The following DAB1 variants were observed in gnomAD, a reference collection of about 807,000 sequenced individuals.
DAB1 encodes the protein disabled homolog 1.
A neutral mutation model predicts 64.6 loss-of-function variants in DAB1; 15 were observed. That is an observed-to-expected ratio of 0.23 (90% CI 0.16 to 0.36). The LOEUF is 0.36. Ranked by LOEUF, DAB1 falls within the 10% of genes least tolerant of loss-of-function variation. The probability of loss-of-function intolerance (pLI) is 1.00; values close to 1 mark genes in which losing one functional copy is unlikely to be tolerated. For missense variants in DAB1, 596 were observed against 706.7 expected (o/e 0.84, Z 1.78); for synonymous variants, 235 against 251.9 (o/e 0.93, Z 0.64).
At chr1:57,098,351 C>T (rs1410069648) in intron 4 of DAB1, among the ~76,000 whole-genome samples, 1 of 152,074 alleles carries the variant, frequency 6.6e-6, no homozygotes, top group Non-Finnish European at 1.5e-5. Context: ...AATAAGGAAA[C>T]TTAGACTCAG....
chr1:58,062,024 C>T (rs1557632760), intron 5 of DAB1, among the ~76,000 whole-genome samples: 1 of 152,118 alleles, frequency 6.6e-6, no homozygotes, highest in African/African-American at 2.4e-5. Context: ...ACTGAGGCCC[C>T]AAAAAATCAT....
intron 7 of DAB1, among the ~76,000 whole-genome samples, chr1:57,641,887 C>T (rs12080500): frequency 2.6e-5 from 4 of 152,094 alleles, no homozygotes; most frequent in East Asian, 1.9e-4. Context: ...TTACAGGCTC[C>T]GAGATTTAGG....
chr1:57,647,342 T>C (rs1558573278), intron 7 of DAB1, among the ~76,000 whole-genome samples: 1 of 152,204 alleles, frequency 6.6e-6, no homozygotes, highest in Non-Finnish European at 1.5e-5. Context: ...TGTGTCTCCA[T>C]TTCAAAAGCA....
chr1:57,341,433 AT>A (rs1283779247), intron 1 of DAB1, among the ~76,000 whole-genome samples: 1 of 152,216 alleles, frequency 6.6e-6, no homozygotes, highest in Non-Finnish European at 1.5e-5. Context: ...CCCTATGCCT[AT>A]AAACACCTGT....
chr1:58,212,767 A>C (rs1302948542), intron 4 of DAB1, among the ~76,000 whole-genome samples: 3 of 152,184 alleles, frequency 2.0e-5, no homozygotes, highest in Non-Finnish European at 2.9e-5. Flanking sequence ...TGAAGACAGA[A>C]GGAGTGAACC....
intron 4 of DAB1, among the ~76,000 whole-genome samples, chr1:57,132,880 G>T (rs1447351231): frequency 6.6e-6 from 1 of 152,046 alleles, no homozygotes; most frequent in Non-Finnish European, 1.5e-5. Flanking sequence ...TAGGGAATCT[G>T]CTCTAATATA....
intron 3 of DAB1, among the ~76,000 whole-genome samples, chr1:58,439,469 AT>A (rs1189565911): frequency 2.0e-5 from 3 of 152,168 alleles, no homozygotes; most frequent in Non-Finnish European, 4.4e-5. Flanking sequence ...TGAACCCTAG[AT>A]TCTGAGCTTT....
chr1:57,322,360 C>T (rs1675794220), intron 1 of DAB1, among the ~76,000 whole-genome samples: 1 of 152,142 alleles, frequency 6.6e-6, no homozygotes, highest in East Asian at 1.9e-4. Flanking sequence ...AGTGCATTAT[C>T]TAGGGCTCAA....
chr1:58,443,616 C>T (rs1645035893), intron 3 of DAB1, among the ~76,000 whole-genome samples: 1 of 152,168 alleles, frequency 6.6e-6, no homozygotes, highest in African/African-American at 2.4e-5. Context: ...AGATATTAAC[C>T]TTGCGGAAAG....
At chr1:57,055,077 A>T (rs1649612165) in intron 9 of DAB1, among the ~76,000 whole-genome samples, 1 of 152,226 alleles carries the variant, frequency 6.6e-6, no homozygotes, top group Non-Finnish European at 1.5e-5. Context: ...CTCTCCAGCC[A>T]GTTAGCATTT....
At chr1:58,091,390 C>T (rs1650647519) in intron 5 of DAB1, among the ~76,000 whole-genome samples, 1 of 152,162 alleles carries the variant, frequency 6.6e-6, no homozygotes, top group African/African-American at 2.4e-5. Flanking sequence ...GCTCTTAGCA[C>T]ATCACCACCC....
chr1:57,148,431 G>A (rs1434569967), intron 2 of DAB1, among the ~76,000 whole-genome samples: 1 of 152,210 alleles, frequency 6.6e-6, no homozygotes, highest in East Asian at 1.9e-4. Context: ...AATTTTTCAT[G>A]AGTACATCTT....
At chr1:57,065,009 A>T (rs1172740060) in intron 8 of DAB1, among the ~76,000 whole-genome samples, 2 of 152,210 alleles carry the variant, frequency 1.3e-5, no homozygotes, top group African/African-American at 4.8e-5. Flanking sequence ...TGTTGCCCGT[A>T]ATTCACTGCT....
At position 57,187,833 on chromosome 1, in the gene DAB1, AAGAGAG is replaced by A. The variant is rs138251089; in HGVS notation, c.68-42410_68-42405del. On this transcript the variant is annotated intron_variant, in intron 2 of 14. Coordinates refer to ENST00000371236, the MANE Select transcript of DAB1 (RefSeq NM_001365792.1). ...GTCTCAGCGCTGATTGAGTCACTGA[AAGAGAG>A]AGAGAGAGAGAGACTCCCACAAAAA... Among the ~76,000 whole-genome samples the A allele has an allele frequency of 2.0e-5, 3 of 150,236 alleles. 1 individual carries two copies. The Middle Eastern group carries it at 0.01, about 511-fold the overall frequency.
rs547679062 is a variant in DAB1, at chr1:57,717,545, T to A, written n.552-67880A>T. On this transcript the variant is annotated intron_variant and non_coding_transcript_variant, in intron 6 of 20. Coordinates refer to the DAB1 transcript ENST00000485760. Reference sequence around the variant, plus strand: ...AAAAATTAAAAATAGAACTACTATATGATCCAGCAGTTCCACTAGTAGGCA... The same window carrying A: ...AAAAATTAAAAATAGAACTACTATAAGATCCAGCAGTTCCACTAGTAGGCA... Among the ~76,000 whole-genome samples the A allele has an allele frequency of 2.2e-4, 33 of 152,270 alleles. No homozygotes were observed. The Middle Eastern group carries it at 0.014, about 63-fold the overall frequency.
intron 5 of DAB1, among the ~76,000 whole-genome samples, chr1:58,076,279 G>A (rs919357972): frequency 5.3e-5 from 8 of 152,140 alleles, no homozygotes; most frequent in Admixed American, 1.3e-4. Context: ...GAAACATGTA[G>A]AGATTAATTA....
chr1:57,348,692 C>G (rs941251084), intron 1 of DAB1, among the ~76,000 whole-genome samples: 1 of 152,144 alleles, frequency 6.6e-6, no homozygotes, highest in Non-Finnish European at 1.5e-5. Context: ...TCTACGAGAA[C>G]CTTCATGATG....
At chr1:57,077,583 A>G (rs1418877667) in intron 4 of DAB1, among the ~76,000 whole-genome samples, 1 of 152,176 alleles carries the variant, frequency 6.6e-6, no homozygotes, top group African/African-American at 2.4e-5. Context: ...AGAATTTCTT[A>G]TCTGATCATC....
At chr1:57,379,672 T>G (rs770940790) in intron 1 of DAB1, among the ~76,000 whole-genome samples, 3 of 152,184 alleles carry the variant, frequency 2.0e-5, no homozygotes, top group Non-Finnish European at 4.4e-5. Context: ...GTTTGCTTGT[T>G]CACCAGCTGT....
Sources: allele counts gnomAD v4.1 joint callset (sites outside exome capture counted in the v4.1 genomes callset), GRCh38; gene constraint gnomAD v4.1.1; transcripts MANE v1.5; gene names NCBI Gene and HGNC (gene_info 2026-07-23, HGNC 2026-07-21).